Variants in HEMK2 observed in about 807,000 individuals in gnomAD.
HEMK2 encodes HemK methyltransferase 2, ETF1 glutamine and histone H4 lysine, also known as methyltransferase HEMK2.
At chr21:28,704,986 T>C in the HEMK2 span, among the ~76,000 whole-genome samples, 1 of 152,204 alleles carries the variant, frequency 6.6e-6, no homozygotes, top group East Asian at 1.9e-4. Context: ...AACGGCCTCC[T>C]TCCCTCTTCA....
At chr21:28,841,062 A>G in the HEMK2 span, among the ~76,000 whole-genome samples, 7 of 48,228 alleles carry the variant, frequency 1.5e-4, 1 homozygote, top group Admixed American at 2.4e-3. Context: ...TATTATATAT[A>G]AATAAATATT....
At chr21:28,637,004 T>C in the HEMK2 span, among the ~76,000 whole-genome samples, 3 of 152,222 alleles carry the variant, frequency 2.0e-5, no homozygotes, top group Non-Finnish European at 2.9e-5. Flanking sequence ...GATTATCCGA[T>C]AATGTCTAAA....
At chr21:28,727,832 G>T in the HEMK2 span, among the ~76,000 whole-genome samples, 1 of 152,176 alleles carries the variant, frequency 6.6e-6, no homozygotes, top group Non-Finnish European at 1.5e-5. Flanking sequence ...GGGCTTGCTT[G>T]AAATAAACTG....
chr21:28,582,015 T>C, the HEMK2 span, among the ~76,000 whole-genome samples: 2 of 152,326 alleles, frequency 1.3e-5, no homozygotes, highest in South Asian at 4.1e-4. Context: ...ATTAGTCTAA[T>C]TTTTATGCTT....
At chr21:28,763,880 C>T in the HEMK2 span, among the ~76,000 whole-genome samples, 2 of 151,872 alleles carry the variant, frequency 1.3e-5, no homozygotes. Context: ...CCCACATGGA[C>T]CACATGGAGC....
chr21:28,858,437 T>A, the HEMK2 span, among the ~76,000 whole-genome samples: 1 of 152,200 alleles, frequency 6.6e-6, no homozygotes, highest in Non-Finnish European at 1.5e-5. Flanking sequence ...TGAATTTGGG[T>A]AGTACATTTT....
the HEMK2 span, among the ~76,000 whole-genome samples, chr21:28,603,302 C>G: frequency 6.6e-6 from 1 of 152,192 alleles, no homozygotes; most frequent in Non-Finnish European, 1.5e-5. Flanking sequence ...CTAGGTCACC[C>G]TCTTAGTCTC....
the HEMK2 span, among the ~76,000 whole-genome samples, chr21:28,702,807 G>A: frequency 6.6e-6 from 1 of 152,130 alleles, no homozygotes; most frequent in African/African-American, 2.4e-5. Context: ...TCTCATTATA[G>A]GGTATATACC....
At chr21:28,813,752 G>C in the HEMK2 span, among the ~76,000 whole-genome samples, 5 of 152,170 alleles carry the variant, frequency 3.3e-5, no homozygotes, top group Non-Finnish European at 5.9e-5. Context: ...GAACAGAACA[G>C]AGGCCTCAGA....
the HEMK2 span, among the ~76,000 whole-genome samples, chr21:28,636,073 A>G: frequency 0.31 from 46,645 of 151,958 alleles, 7,315 homozygotes; most frequent in African/African-American, 0.35. Flanking sequence ...CTTGTTCCAC[A>G]CTTGCCTACA....
chr21:28,752,450 C>T, the HEMK2 span, among the ~76,000 whole-genome samples: 1 of 152,224 alleles, frequency 6.6e-6, no homozygotes, highest in African/African-American at 2.4e-5. Flanking sequence ...ACCTCAGAGA[C>T]ATAGAAATGC....
At chr21:28,695,016 T>G in the HEMK2 span, among the ~76,000 whole-genome samples, 4 of 148,546 alleles carry the variant, frequency 2.7e-5, no homozygotes, top group Non-Finnish European at 4.5e-5. Flanking sequence ...AAAAAAAAGA[T>G]TCAACATTGT....
chr21:28,830,486 C>T, the HEMK2 span, among the ~76,000 whole-genome samples: 1 of 152,174 alleles, frequency 6.6e-6, no homozygotes, highest in African/African-American at 2.4e-5. Flanking sequence ...GTCAATTAAA[C>T]CTCTTTCTTC....
chr21:28,831,812 C>G, the HEMK2 span, among the ~76,000 whole-genome samples: 631 of 151,698 alleles, frequency 4.2e-3, 3 homozygotes, highest in African/African-American at 0.014. Flanking sequence ...TCCCTAATAC[C>G]TATATGCTGA....
chr21:28,700,276 T>G, the HEMK2 span, among the ~76,000 whole-genome samples: 2,495 of 152,304 alleles, frequency 0.016, 33 homozygotes, highest in Non-Finnish European at 0.029. Flanking sequence ...CTCATCATAA[T>G]CAATGGTATT....
chr21:28,662,784 C>T, the HEMK2 span, among the ~76,000 whole-genome samples: 1 of 152,130 alleles, frequency 6.6e-6, no homozygotes, highest in Non-Finnish European at 1.5e-5. Context: ...TTTCCTGAGG[C>T]CTCCCCAGCC....
At chr21:28,824,244 T>A in the HEMK2 span, among the ~76,000 whole-genome samples, 1 of 152,174 alleles carries the variant, frequency 6.6e-6, no homozygotes, top group African/African-American at 2.4e-5. Flanking sequence ...TAAGTCCACA[T>A]GTAACTCTAA....
the HEMK2 span, among the ~76,000 whole-genome samples, chr21:28,711,775 G>A: frequency 3.3e-5 from 5 of 152,122 alleles, no homozygotes; most frequent in East Asian, 1.9e-4. Flanking sequence ...ATATCCTAGC[G>A]AGGGTAGCTT....
At chr21:28,578,902 C>T in the HEMK2 span, among the ~76,000 whole-genome samples, 2 of 152,140 alleles carry the variant, frequency 1.3e-5, no homozygotes, top group African/African-American at 4.8e-5. Context: ...TCCAGAATGG[C>T]ACCTAAAAAA....
Sources: gnomAD v4.1 joint callset for allele counts (sites outside exome capture counted in the v4.1 genomes callset) on GRCh38, gnomAD v4.1.1 for gene constraint, MANE v1.5 for transcripts, NCBI Gene and HGNC (gene_info 2026-07-23, HGNC 2026-07-21) for gene names.